Variants in SMOC2 observed in about 807,000 individuals in gnomAD.
SMOC2 encodes the protein SPARC-related modular calcium-binding protein 2.
In SMOC2, 39 loss-of-function variants were observed where a neutral mutation model predicts 61.4. That is an observed-to-expected ratio of 0.64 (90% CI 0.49 to 0.83). The LOEUF is 0.83. SMOC2 is among the 40% of genes least tolerant of loss of function. SMOC2 has a pLI of 0.00. For missense variants in SMOC2, 556 were observed against 592.9 expected, an observed-to-expected ratio of 0.94 and a Z score of 0.65; for synonymous variants, 247 against 239.9, an observed-to-expected ratio of 1.03 and a Z score of -0.27.
intron 1 of SMOC2, among the ~76,000 whole-genome samples, chr6:168,481,532 G>T (rs986492680): frequency 1.3e-5 from 2 of 151,916 alleles, no homozygotes; most frequent in African/African-American, 2.4e-5. Context: ...GAAAGGAAGT[G>T]AGAAAGAAAT....
intron 7 of SMOC2, among the ~76,000 whole-genome samples, chr6:168,584,656 T>C (rs953171364): frequency 3.9e-5 from 6 of 152,266 alleles, no homozygotes; most frequent in Admixed American, 6.5e-5. Context: ...GCAAAAAATA[T>C]GTTGCCAATT....
intron 2 of SMOC2, among the ~76,000 whole-genome samples, chr6:168,510,485 A>G (rs915022644): frequency 6.6e-6 from 1 of 152,230 alleles, no homozygotes; most frequent in African/African-American, 2.4e-5. Flanking sequence ...AATTTTCCCA[A>G]TTTAAGAATT....
intron 1 of SMOC2, among the ~76,000 whole-genome samples, chr6:168,458,224 G>A (rs1011600734): frequency 2.0e-5 from 3 of 152,116 alleles, no homozygotes; most frequent in African/African-American, 7.2e-5. Flanking sequence ...AGCCTCTCTG[G>A]GAGGGAGACG....
intron 1 of SMOC2, among the ~76,000 whole-genome samples, chr6:168,484,373 C>CA (rs1014057380): frequency 6.6e-6 from 1 of 152,030 alleles, no homozygotes; most frequent in African/African-American, 2.4e-5. Flanking sequence ...TGGAAATGCA[C>CA]AGAAAAACTA....
At chr6:168,516,563 C>T (rs928905617) in intron 2 of SMOC2, among the ~76,000 whole-genome samples, 11 of 152,144 alleles carry the variant, frequency 7.2e-5, no homozygotes, top group Non-Finnish European at 1.6e-4. Flanking sequence ...CATCCATCTC[C>T]GAGGCTGCAC....
chr6:168,599,227 TGGTCTCTCTCACACACACCCACACA>T (rs1270987311), intron 8 of SMOC2, among the ~76,000 whole-genome samples: 59 of 99,732 alleles, frequency 5.9e-4, no homozygotes, highest in South Asian at 1.5e-3. Context: ...CACACACCCA[TGGTCTCTCTCACACACACCCACACA>T]CATACCCACA....
At chr6:168,521,603 T>C (rs1245581912) in intron 2 of SMOC2, among the ~76,000 whole-genome samples, 1 of 152,236 alleles carries the variant, frequency 6.6e-6, no homozygotes, top group East Asian at 1.9e-4. Flanking sequence ...AATATTTCTG[T>C]TAGGGCTAGG....
chr6:168,518,276 G>C (rs1783194928), intron 2 of SMOC2, among the ~76,000 whole-genome samples: 1 of 151,392 alleles, frequency 6.6e-6, no homozygotes, highest in African/African-American at 2.4e-5. Context: ...ATCTGTGCGG[G>C]GGTGTGAGTG....
rs565648337 is a variant in SMOC2, at chr6:168,503,752, C to T, written c.85-6163C>T. Among the ~76,000 whole-genome samples the T allele has an allele frequency of 4.3e-4, 65 of 152,190 alleles. 1 individual carries two copies. The South Asian group carries it at 0.013, about 31-fold the overall frequency. Reference sequence around the variant, plus strand: ...GGAACATGATGCCGGCTCAGTGTCCCGCAGAGGCTGTGGTGGCCAGAGCCC... The same window carrying T: ...GGAACATGATGCCGGCTCAGTGTCCTGCAGAGGCTGTGGTGGCCAGAGCCC... On this transcript the variant is annotated intron_variant, in intron 1 of 12. Transcript: ENST00000356284.
chr6:168,596,466 G>A (rs1189673353), intron 7 of SMOC2, among the ~76,000 whole-genome samples: 1 of 146,584 alleles, frequency 6.8e-6, no homozygotes, highest in Non-Finnish European at 1.5e-5. Flanking sequence ...ACGTGAACAC[G>A]GCAGTGCTAA....
intron 9 of SMOC2, among the ~76,000 whole-genome samples, chr6:168,625,869 T>C (rs1786396239): frequency 6.6e-6 from 1 of 152,236 alleles, no homozygotes; most frequent in Admixed American, 6.5e-5. Flanking sequence ...CTCTGGGCTT[T>C]CTCAGCCTAG....
intron 2 of SMOC2, among the ~76,000 whole-genome samples, chr6:168,518,898 T>C (rs1445152285): frequency 1.3e-5 from 2 of 150,522 alleles, no homozygotes; most frequent in Non-Finnish European, 1.5e-5. Flanking sequence ...TGCGTGTGTG[T>C]GCGTGCATGT....
At chr6:168,575,658 C>T (rs1394332950) in intron 7 of SMOC2, among the ~76,000 whole-genome samples, 2 of 152,170 alleles carry the variant, frequency 1.3e-5, no homozygotes, top group African/African-American at 4.8e-5. Flanking sequence ...CAGCCAAAAA[C>T]ATCCAAAAAA....
intron 1 of SMOC2, among the ~76,000 whole-genome samples, chr6:168,455,863 A>G (rs1374857484): frequency 4.6e-5 from 7 of 152,192 alleles, no homozygotes; most frequent in Non-Finnish European, 8.8e-5. Context: ...TGGATTCAAA[A>G]CCTCGTATCT....
rs116459474 is a variant in SMOC2, at chr6:168,539,454, C to T, written c.464-4171C>T. Among the ~76,000 whole-genome samples the T allele has an allele frequency of 5.2e-3, 797 of 152,290 alleles. 4 individuals carry two copies. Among genetic ancestry groups the T allele is most frequent in the South Asian group, 0.028 (134 of 4,826 alleles). ...CCACCCTTCTCACCACCCCTTGGTC[C>T]GTTCATAAGTGGGAAGGGTCCTGAG... On this transcript the variant is annotated intron_variant, in intron 4 of 12. Coordinates refer to ENST00000356284, the MANE Select transcript of SMOC2 (RefSeq NM_001166412.2).
At chr6:168,652,119 T>C (rs2115275131) in intron 10 of SMOC2, among the ~76,000 whole-genome samples, 1 of 152,282 alleles carries the variant, frequency 6.6e-6, no homozygotes, top group African/African-American at 2.4e-5. Context: ...CTTGGAAAGA[T>C]TGTTTTCGCA....
In SMOC2 at chr6:168,511,811, G is replaced by GTTTTTTTTTTTTTTTTTTTTTT. The variant is rs144317852; in HGVS notation, c.256+1727_256+1728insTTTTTTTTTTTTTTTTTTTTTT. Among the ~76,000 whole-genome samples the GTTTTTTTTTTTTTTTTTTTTTT allele has an allele frequency of 1.5e-5, 2 of 130,734 alleles. 1 individual carries two copies. The highest frequency in any genetic ancestry group is 3.2e-5 in the Non-Finnish European group (2 of 62,640). 85.8% of individuals were successfully genotyped at this position (130,734 alleles called of 152,430 possible). A position where few individuals can be genotyped will look rare whatever the true frequency, so the allele number is the denominator to read the frequency against. On this transcript the variant is annotated intron_variant, in intron 2 of 12. Transcript: ENST00000356284. ...GACAAATGGCTATTCATTATCAAGG[G>GTTTTTTTTTTTTTTTTTTTTTT]TTGTTTTTTTTTTTTTTTCTGAAAT...
chr6:168,457,771 G>C (rs1194847666), intron 1 of SMOC2, among the ~76,000 whole-genome samples: 1 of 152,108 alleles, frequency 6.6e-6, no homozygotes, highest in African/African-American at 2.4e-5. Context: ...GGCCCAGCTC[G>C]GCGAAGGCCT....
chr6:168,444,071 A>G (rs182098568), intron 1 of SMOC2, among the ~76,000 whole-genome samples: 217 of 152,362 alleles, frequency 1.4e-3, no homozygotes, highest in African/African-American at 5.0e-3. Flanking sequence ...ATCAATGCAT[A>G]TAGCGTTGTG....
Sources: gnomAD v4.1 joint callset for allele counts (sites outside exome capture counted in the v4.1 genomes callset) on GRCh38, gnomAD v4.1.1 for gene constraint, MANE v1.5 for transcripts, NCBI Gene and HGNC (gene_info 2026-07-23, HGNC 2026-07-21) for gene names.